ZGRF1: variants seen among roughly 807,000 people sequenced by gnomAD.
The protein encoded by ZGRF1 is 5'-3' DNA helicase ZGRF1.
ZGRF1 carries 196 observed loss-of-function variants against 203.5 expected under a neutral mutation model. The ratio of observed to expected loss-of-function variants is 0.96; its 90% CI spans 0.86 to 1.08. The LOEUF is 1.08. Among genes scored for constraint, ZGRF1 ranks in the 50% least tolerant of loss-of-function variants. ZGRF1 has a pLI of 0.00. For synonymous variants in ZGRF1, 809 were observed against 841.3 expected, an observed-to-expected ratio of 0.96 and a Z score of 0.66; for missense variants, 2,326 against 2,416.3, an observed-to-expected ratio of 0.96 and a Z score of 0.78.
intron 22 of ZGRF1, among the ~76,000 whole-genome samples, chr4:112,550,574 C>T (rs894573592): frequency 7.2e-5 from 11 of 151,882 alleles, no homozygotes; most frequent in Non-Finnish European, 1.2e-4. Flanking sequence ...TACAGTAGGC[C>T]GGGCGCGGTG....
rs1745445695 is a variant in ZGRF1 at position 112,577,395 on chromosome 4, A to G, written c.4438+4268T>C. Reference sequence around the variant, plus strand: ...CTAACGAGCAAAATAACCAGCTAACATCATAATGACAGGATCAAATTCACA... The same window carrying G: ...CTAACGAGCAAAATAACCAGCTAACGTCATAATGACAGGATCAAATTCACA... On this transcript the variant is annotated intron_variant, in intron 16 of 27. Transcript: ENST00000505019. Among the ~76,000 whole-genome samples the G allele has an allele frequency of 1.6e-5, 2 of 122,898 alleles. 1 individual carries two copies. The highest frequency in any genetic ancestry group is 5.7e-5 in the African/African-American group (2 of 35,374). The allele number at this position is 122,898 out of a possible 152,430, so 80.6% of individuals were successfully genotyped here.
At position 112,539,586 on chromosome 4, in the gene ZGRF1, CTT is replaced by C. The variant is rs1406267082; in HGVS notation, c.6274_6275del (p.Lys2092GlufsTer2). 2.0e-6 allele frequency: 3 copies of C among 1,526,696 alleles called. No homozygotes were observed. Among genetic ancestry groups the C allele is most frequent in the Non-Finnish European group, 2.7e-6 (3 of 1,119,670 alleles). The allele number at this position is 1,526,696 out of a possible 1,614,324, so 94.6% of individuals were successfully genotyped here. The part of the protein sequence containing the change: ...EKQVEEKQKK[K>X]SEKEKSKDKS... ...TATCTTTAGATTTCTCTTTTTCACT[CTT>C]TTTCTTCTGTTTTTCTTCCACTTGT... is the stretch of plus-strand genomic sequence containing the variant. On this transcript the variant is annotated frameshift_variant, in exon 28 of 28. Coordinates refer to ENST00000505019, the MANE Select transcript of ZGRF1 (RefSeq NM_018392.5). LOFTEE classifies it high-confidence loss of function.
Position 112,560,824 on chromosome 4 carries a change from T to C in ZGRF1, c.4869A>G (p.Leu1623=). 6.2e-7 allele frequency: 1 copy of C among 1,613,424 alleles called. No individual in the cohort carries two copies. Residue 1623 remains leucine, a synonymous_variant, in exon 19 of 28, where the codon CTA becomes CTG. Coordinates refer to ENST00000505019, the MANE Select transcript of ZGRF1 (RefSeq NM_018392.5). ...ATGCCATCATTTGAGCTATTTGAAT[T>C]AGAGCTGTAGCTTGATCCTTGTTTA... ...HKLNKDQATA[L]IQIAQMMASH...
intron 10 of ZGRF1, among the ~76,000 whole-genome samples, chr4:112,601,170 G>T (rs114676761): frequency 2.2e-4 from 33 of 151,890 alleles, no homozygotes; most frequent in African/African-American, 6.0e-4. Context: ...CAACACTTTG[G>T]GGGGCTGAGG....
chr4:112,566,196 T>A (rs534150056), intron 16 of ZGRF1, among the ~76,000 whole-genome samples: 1 of 152,072 alleles, frequency 6.6e-6, no homozygotes, highest in African/African-American at 2.4e-5. Context: ...TGTAGGGACA[T>A]GGATGAAATT....
chr4:112,581,855 T>C (rs1746322128), intron 15 of ZGRF1, 53 bp from the exon 16 acceptor site: 1 of 935,050 alleles, frequency 1.1e-6, no homozygotes, highest in African/African-American at 1.7e-5. Flanking sequence ...ATGCAAGTTT[T>C]TTGAAAATCT....
intron 16 of ZGRF1, among the ~76,000 whole-genome samples, chr4:112,569,300 T>A (rs1743784986): frequency 1.3e-5 from 2 of 152,242 alleles, no homozygotes; most frequent in Non-Finnish European, 1.5e-5. Flanking sequence ...AACAAGAAGC[T>A]TGTGCTAGAA....
At chr4:112,613,319 A>G (rs1039564305) in intron 6 of ZGRF1, among the ~76,000 whole-genome samples, 2 of 152,162 alleles carry the variant, frequency 1.3e-5, no homozygotes, top group African/African-American at 4.8e-5. Context: ...ACAGCACTTC[A>G]TGCTATTTCT....
intron 3 of ZGRF1, among the ~76,000 whole-genome samples, chr4:112,631,577 C>A (rs1326556311): frequency 6.6e-6 from 1 of 152,006 alleles, no homozygotes; most frequent in Non-Finnish European, 1.5e-5. Context: ...GAGGCTGAGG[C>A]AGGAGAATCG....
At chr4:112,550,444 A>C (rs907057377) in intron 22 of ZGRF1, among the ~76,000 whole-genome samples, 1 of 152,222 alleles carries the variant, frequency 6.6e-6, no homozygotes, top group Non-Finnish European at 1.5e-5. Context: ...ACAGTTTTTA[A>C]AAATTTTCAA....
chr4:112,625,216 G>C (rs980907265), intron 3 of ZGRF1, among the ~76,000 whole-genome samples: 9 of 152,206 alleles, frequency 5.9e-5, no homozygotes, highest in Admixed American at 3.3e-4. Flanking sequence ...TTGAGCCTAA[G>C]GGTTTGAGGC....
chr4:112,631,098 T>C (rs2047395269), intron 3 of ZGRF1, among the ~76,000 whole-genome samples: 1 of 152,138 alleles, frequency 6.6e-6, no homozygotes. Flanking sequence ...ACTAAGTAAG[T>C]TGATACTTTT....
rs971033751 is a variant in ZGRF1, at chr4:112,586,532, C to G, written c.3829G>C (p.Ala1277Pro). Residue 1277 changes from alanine (A) to proline (P), a missense_variant, in exon 13 of 28, where the codon GCT becomes CCT. Physicochemically the swap from Ala to Pro is conservative, Grantham distance 27 (BLOSUM62 -1). Transcript: ENST00000505019. ...CFPSGQKIKS[A>P]YLPQRQIHIP... ...TGAATTTGCCTTTGGGGAAGATAAGCAGATTTTATTTTCTGCCCACTTGGA... is the reference window on the plus strand; with the variant it reads ...TGAATTTGCCTTTGGGGAAGATAAGGAGATTTTATTTTCTGCCCACTTGGA... The G allele has an allele frequency of 6.2e-7, 1 of 1,612,988 alleles. No individual in the cohort carries two copies. Among genetic ancestry groups the G allele is most frequent in the Admixed American group, 1.7e-5 (1 of 59,902 alleles).
rs1245255013 is a variant in ZGRF1 at position 112,589,781 on chromosome 4, C to G, written c.3070G>C (p.Glu1024Gln). ...RDEDFMVEFS[E>Q]TSLKARTLPD... ...AAAGTTCTTGCTTTCAGGGACGTCTCAGAGAATTCTACCATGAAGTCTTCA... is the reference window on the plus strand; with the variant it reads ...AAAGTTCTTGCTTTCAGGGACGTCTGAGAGAATTCTACCATGAAGTCTTCA... The change falls in exon 11 of 28, where the codon GAG (glutamate) becomes CAG (glutamine). Residue 1024 changes from glutamate (E) to glutamine (Q), a missense_variant. Glu to Gln is a conservative substitution (Grantham distance 29). Transcript: ENST00000505019. The G allele has an allele frequency of 4.3e-6, 7 of 1,613,544 alleles. No homozygotes were observed. Among genetic ancestry groups the G allele is most frequent in the Middle Eastern group, 3.3e-4 (2 of 6,078 alleles).
At chr4:112,624,163 C>CA (rs34831385) in intron 3 of ZGRF1, among the ~76,000 whole-genome samples, 59,524 of 113,758 alleles carry the variant, frequency 0.52, 12,933 homozygotes, top group Admixed American at 0.58. Flanking sequence ...TGCTACTGCT[C>CA]AAAAAAAAAA....
rs1057429959 is a variant in ZGRF1, at chr4:112,567,254, C to T, written c.4439-3980G>A. Among the ~76,000 whole-genome samples the T allele has an allele frequency of 2.6e-5, 4 of 152,022 alleles. No individual in the cohort carries two copies. The East Asian group carries it at 7.7e-4, about 29-fold the overall frequency. ...TTGGAGCTGACCAGATTGGGATGGG[C>T]CTTCCCCAACATATACTGCCAGAAA... On this transcript the variant is annotated intron_variant, in intron 16 of 27. Coordinates refer to ENST00000505019, the MANE Select transcript of ZGRF1 (RefSeq NM_018392.5).
chr4:112,575,746 T>C (rs563461601), intron 16 of ZGRF1, among the ~76,000 whole-genome samples: 2 of 152,182 alleles, frequency 1.3e-5, no homozygotes, highest in Non-Finnish European at 2.9e-5. Flanking sequence ...TGCCTGCCAT[T>C]GCAGAGGCTT....
At chr4:112,589,970 G>T in intron 10 of ZGRF1, 96 bp from the exon 11 acceptor site, 2 of 892,768 alleles carry the variant, frequency 2.2e-6, no homozygotes, top group Non-Finnish European at 1.6e-6. Flanking sequence ...TAAAAATAAT[G>T]ATTTAAAGCA....
chr4:112,565,430 C>CAAAA (rs35098422), intron 16 of ZGRF1: 362 of 515,048 alleles, frequency 7.0e-4, no homozygotes, highest in Middle Eastern at 1.6e-3. Context: ...ATTTCATTCT[C>CAAAA]AAAAAAAAAA....
Sources: allele counts gnomAD v4.1 joint callset (sites outside exome capture counted in the v4.1 genomes callset), GRCh38; gene constraint gnomAD v4.1.1; transcripts MANE v1.5; gene names NCBI Gene and HGNC (gene_info 2026-07-23, HGNC 2026-07-21).